SCFD1: variants seen among roughly 807,000 people sequenced by gnomAD.
SCFD1 encodes the protein sec1 family domain-containing protein 1.
SCFD1 carries 37 observed loss-of-function variants against 103.2 expected under a neutral mutation model. That is an observed-to-expected ratio of 0.36 (90% CI 0.28 to 0.47). SCFD1 has a LOEUF of 0.47. Ranked by LOEUF, SCFD1 falls within the 20% of genes least tolerant of loss-of-function variation. The pLI is 1.00. For synonymous variants in SCFD1, 264 were observed against 245.0 expected (o/e 1.08, Z -0.73); for missense variants, 639 against 761.2 (o/e 0.84, Z 1.89).
At chr14:30,628,411 CATG>C in intron 2 of SCFD1, 132 bp downstream of exon 2, 1 of 593,824 alleles carries the variant, frequency 1.7e-6, no homozygotes, top group Non-Finnish European at 3.0e-6. Context: ...CCTTATTTAA[CATG>C]ATCTCTTAAT....
At chr14:30,647,839 C>T (rs932304744) in intron 7 of SCFD1, among the ~76,000 whole-genome samples, 1 of 151,892 alleles carries the variant, frequency 6.6e-6, no homozygotes, top group Non-Finnish European at 1.5e-5. Flanking sequence ...TTAGCAGAGA[C>T]GGGGTTTCAC....
intron 16 of SCFD1, 108 bp from the exon 17 acceptor site, chr14:30,702,187 GA>G: frequency 1.5e-6 from 1 of 670,670 alleles, no homozygotes; most frequent in Non-Finnish European, 2.5e-6. Context: ...TGGGTGCCAA[GA>G]ATTTAAACTC....
At chr14:30,708,148 G>C in intron 19 of SCFD1, 83 bp downstream of exon 19, 2 of 849,062 alleles carry the variant, frequency 2.4e-6, no homozygotes, top group Non-Finnish European at 3.9e-6. Context: ...AGCAACTCCT[G>C]GATTTATTCA....
At chr14:30,694,734 G>T in intron 14 of SCFD1, 39 bp from the exon 15 acceptor site, 2 of 1,542,906 alleles carry the variant, frequency 1.3e-6, no homozygotes, top group South Asian at 2.5e-5. Context: ...GTATTTTAAT[G>T]ACTTAATATA....
chr14:30,679,406 A>G (rs1388424810), intron 14 of SCFD1, among the ~76,000 whole-genome samples: 1 of 152,210 alleles, frequency 6.6e-6, no homozygotes, highest in Non-Finnish European at 1.5e-5. Flanking sequence ...CCTTAACCAT[A>G]AAAGATTGGA....
In SCFD1 at chr14:30,705,834, A is replaced by G. The variant is rs1309011326; in HGVS notation, c.1502A>G (p.Lys501Arg). 3.6e-5 allele frequency: 58 copies of G among 1,613,616 alleles called. No homozygotes were observed. The highest frequency in any genetic ancestry group is 4.7e-5 in the Non-Finnish European group (55 of 1,179,720). Residue 501 changes from lysine (K) to arginine (R), a missense_variant, in exon 18 of 25, where the codon AAG becomes AGG. Coordinates refer to ENST00000458591, the MANE Select transcript of SCFD1 (RefSeq NM_016106.4). The part of the protein sequence containing the change: ...QYIKQWKAFT[K>R]MASAPASYGS... ...TCCTTCTTTCATAGGGCTTTTACCAAGATGGCCTCAGCTCCGGCCAGCTAT... is the reference window on the plus strand; with the variant it reads ...TCCTTCTTTCATAGGGCTTTTACCAGGATGGCCTCAGCTCCGGCCAGCTAT...
chr14:30,622,608 G>A (rs774130278), intron 1 of SCFD1: 9 of 832,870 alleles, frequency 1.1e-5, no homozygotes, highest in East Asian at 2.8e-5. Context: ...GAGCTTCAGC[G>A]GTGGGCGGAT....
At chr14:30,683,935 C>T (rs1367901114) in intron 14 of SCFD1, among the ~76,000 whole-genome samples, 1 of 152,116 alleles carries the variant, frequency 6.6e-6, no homozygotes, top group African/African-American at 2.4e-5. Context: ...TCACTCTAGA[C>T]TTGGTCATCA....
intron 19 of SCFD1, among the ~76,000 whole-genome samples, chr14:30,713,077 G>A (rs1594750973): frequency 6.6e-6 from 1 of 151,752 alleles, no homozygotes; most frequent in Non-Finnish European, 1.5e-5. Context: ...TGATTAACCT[G>A]GTATGTAAAT....
intron 12 of SCFD1, 122 bp from the exon 13 acceptor site, chr14:30,673,801 GA>G (rs1247978346): frequency 4.4e-6 from 3 of 682,304 alleles, no homozygotes; most frequent in African/African-American, 3.6e-5. Context: ...TATTCTAGGT[GA>G]CTTAAAAATC....
intron 10 of SCFD1, among the ~76,000 whole-genome samples, chr14:30,656,389 G>C (rs1018566244): frequency 1.8e-4 from 28 of 152,260 alleles, no homozygotes; most frequent in African/African-American, 6.7e-4. Context: ...CTGTGGACCA[G>C]GATTTCTCAA....
At position 30,641,794 on chromosome 14, in the gene SCFD1, G is replaced by A. The variant is rs116471230; in HGVS notation, c.524-1522G>A. 3.0e-3 allele frequency among the ~76,000 whole-genome samples: 451 copies of A among 152,234 alleles called. 4 individuals are homozygous for A. The highest frequency in any genetic ancestry group is 9.2e-3 in the African/African-American group (382 of 41,550). ...TTCTGTAGATACTTGGAGATATCCA[G>A]TTGAATTCTGCTTTCCTCTTATAGT... On this transcript the variant is annotated intron_variant, in intron 6 of 24. Coordinates refer to ENST00000458591, the MANE Select transcript of SCFD1 (RefSeq NM_016106.4).
chr14:30,674,068 T>A (rs930372070), intron 13 of SCFD1, 71 bp downstream of exon 13: 2 of 1,104,784 alleles, frequency 1.8e-6, no homozygotes, highest in Non-Finnish European at 2.7e-6. Flanking sequence ...ACTAAAAAAT[T>A]GTTAATGTTT....
intron 10 of SCFD1, among the ~76,000 whole-genome samples, chr14:30,668,310 A>G (rs1273080194): frequency 1.3e-5 from 2 of 152,216 alleles, no homozygotes; most frequent in African/African-American, 4.8e-5. Context: ...TGGGTTCCCT[A>G]TTTAATAAAT....
rs1046578696 is a variant in SCFD1, at chr14:30,735,769, A to G, written c.*160A>G. On this transcript the variant is annotated 3_prime_UTR_variant, in exon 25 of 25. Coordinates refer to ENST00000458591, the MANE Select transcript of SCFD1 (RefSeq NM_016106.4). Reference sequence around the variant, plus strand: ...TAAGGAAATTATATACTTAATATGTATTGATTAAAAGAAACATTTCAGAAA... The same window carrying G: ...TAAGGAAATTATATACTTAATATGTGTTGATTAAAAGAAACATTTCAGAAA... 3 of 490,796 alleles carry G rather than the reference A, an allele frequency of 6.1e-6. No individual in the cohort carries two copies. Among genetic ancestry groups the G allele is most frequent in the South Asian group, 4.2e-5 (1 of 24,084 alleles). The allele number at this position is 490,796 out of a possible 1,614,324, so 30.4% of individuals were successfully genotyped here. A position where few individuals can be genotyped will look rare whatever the true frequency, so the allele number is the denominator to read the frequency against.
chr14:30,731,609 A>T (rs1319193185), intron 23 of SCFD1, among the ~76,000 whole-genome samples: 2 of 152,044 alleles, frequency 1.3e-5, no homozygotes, highest in African/African-American at 4.8e-5. Context: ...ATTCTCTTTG[A>T]AGCAATTGTG....
At chr14:30,640,719 A>G (rs1349341821) in intron 6 of SCFD1, among the ~76,000 whole-genome samples, 1 of 152,152 alleles carries the variant, frequency 6.6e-6, no homozygotes, top group Non-Finnish European at 1.5e-5. Context: ...ATACCAGACC[A>G]GACAAGTTTA....
Position 30,690,762 on chromosome 14 carries a change from AC to A in SCFD1, c.1243-4008del, listed in dbSNP as rs1468826181. ...TACTTCAGATGGAAATGCAGAAATC[AC>A]CCGTCTTCTGCGTCGCTCACGCTGG... On this transcript the variant is annotated intron_variant, in intron 14 of 24. Transcript: ENST00000458591. Among the ~76,000 whole-genome samples the A allele has an allele frequency of 1.1e-4, 17 of 151,370 alleles. No homozygotes were observed. In the South Asian group the frequency reaches 1.5e-3, roughly 13 times the overall value.
chr14:30,651,218 T>C (rs758327208), intron 9 of SCFD1, among the ~76,000 whole-genome samples: 2 of 152,128 alleles, frequency 1.3e-5, no homozygotes, highest in Non-Finnish European at 2.9e-5. Context: ...CTGAGAATTG[T>C]TTAAAGAAGA....
Sources: gnomAD v4.1 joint callset for allele counts (sites outside exome capture counted in the v4.1 genomes callset) on GRCh38, gnomAD v4.1.1 for gene constraint, MANE v1.5 for transcripts, NCBI Gene and HGNC (gene_info 2026-07-23, HGNC 2026-07-21) for gene names.